The following LINGO2 variants were observed in gnomAD, a reference collection of about 807,000 sequenced individuals.
LINGO2 encodes the protein leucine rich repeat and Ig domain containing 2.
In LINGO2, 14 loss-of-function variants were observed where a neutral mutation model predicts 30.6. The ratio of observed to expected loss-of-function variants is 0.46; its 90% CI spans 0.30 to 0.72. The LOEUF is 0.72. Among genes scored for constraint, LINGO2 ranks in the 30% least tolerant of loss-of-function variants. LINGO2 has a pLI of 0.07. For missense variants in LINGO2, 729 were observed against 751.7 expected, an observed-to-expected ratio of 0.97 and a Z score of 0.35; for synonymous variants, 317 against 288.5, an observed-to-expected ratio of 1.10 and a Z score of -1.00.
chr9:28,394,745 C>A lies in LINGO2; in HGVS notation c.-278-21877G>T, dbSNP rs142439891. ...CTCCTTGTTATTACCCAGTACTATA[C>A]ATATAGATTCTTATTAAGAAAGAAA... On this transcript the variant is annotated intron_variant, in intron 2 of 5. Coordinates refer to ENST00000379992, the Ensembl canonical transcript of LINGO2. 9.0e-4 allele frequency among the ~76,000 whole-genome samples: 137 copies of A among 152,270 alleles called. 1 individual carries two copies. The highest frequency in any genetic ancestry group is 3.1e-3 in the African/African-American group (127 of 41,546).
the LINGO2 span, among the ~76,000 whole-genome samples, chr9:29,010,466 C>T: frequency 8.3e-4 from 126 of 152,210 alleles, no homozygotes; most frequent in African/African-American, 3.0e-3. Context: ...GGCAATGAAG[C>T]AGAAAGAAGG....
At chr9:28,090,876 CA>C (rs1587833954) in intron 4 of LINGO2, among the ~76,000 whole-genome samples, 1 of 152,176 alleles carries the variant, frequency 6.6e-6, no homozygotes, top group East Asian at 1.9e-4. Flanking sequence ...TCTCAGGATA[CA>C]AAATCAATGT....
At chr9:28,137,198 GACACAC>G (rs3064725) in intron 4 of LINGO2, among the ~76,000 whole-genome samples, 8 of 148,208 alleles carry the variant, frequency 5.4e-5, no homozygotes, top group Admixed American at 1.4e-4. Context: ...GAAAATCCCT[GACACAC>G]ACACACACAC....
At chr9:28,371,656 T>G (rs1820902784) in intron 3 of LINGO2, among the ~76,000 whole-genome samples, 1 of 152,182 alleles carries the variant, frequency 6.6e-6, no homozygotes, top group African/African-American at 2.4e-5. Context: ...CGCTGTACCT[T>G]TATCCAAGGG....
At chr9:28,763,784 TAGAGGA>T in the LINGO2 span, among the ~76,000 whole-genome samples, 2 of 151,234 alleles carry the variant, frequency 1.3e-5, 1 homozygote, top group South Asian at 4.2e-4. Flanking sequence ...CTAGGTTAAT[TAGAGGA>T]AGAGAGAGAG....
chr9:28,017,782 C>G (rs1822913524), intron 4 of LINGO2, among the ~76,000 whole-genome samples: 2 of 152,088 alleles, frequency 1.3e-5, no homozygotes, highest in African/African-American at 2.4e-5. Context: ...GGCCATGCTG[C>G]CCAAAGCAGT....
At chr9:28,053,122 GAGAGTCATAGGA>G (rs1244047993) in intron 4 of LINGO2, among the ~76,000 whole-genome samples, 1 of 147,806 alleles carries the variant, frequency 6.8e-6, no homozygotes, top group Non-Finnish European at 1.5e-5. Context: ...AAGGTATAAT[GAGAGTCATAGGA>G]AGGCTCCAGA....
chr9:27,937,640 T>A, the LINGO2 span: 1 of 152,160 alleles, frequency 6.6e-6, no homozygotes, highest in Non-Finnish European at 1.5e-5. Flanking sequence ...TATTTTATTT[T>A]TGTGTCTCAA....
At chr9:28,336,328 T>C (rs1034883487) in intron 3 of LINGO2, among the ~76,000 whole-genome samples, 3 of 152,160 alleles carry the variant, frequency 2.0e-5, no homozygotes, top group Middle Eastern at 3.2e-3. Flanking sequence ...AGTCATTTGA[T>C]AGAGGATTTG....
At chr9:28,752,265 C>T in the LINGO2 span, among the ~76,000 whole-genome samples, 4 of 151,920 alleles carry the variant, frequency 2.6e-5, no homozygotes, top group Non-Finnish European at 5.9e-5. Context: ...TATGAATGAC[C>T]TTTCTTGGTG....
At chr9:28,702,808 C>CAT in the LINGO2 span, among the ~76,000 whole-genome samples, 1 of 151,858 alleles carries the variant, frequency 6.6e-6, no homozygotes, top group African/African-American at 2.4e-5. Context: ...GATGCAATTT[C>CAT]ATATATATAG....
At chr9:28,762,467 T>C in the LINGO2 span, among the ~76,000 whole-genome samples, 9 of 152,202 alleles carry the variant, frequency 5.9e-5, no homozygotes, top group African/African-American at 1.9e-4. Context: ...GTTTGTGTTT[T>C]AACTTTAAAG....
At chr9:28,643,707 T>G (rs1827708316) in intron 1 of LINGO2, among the ~76,000 whole-genome samples, 1 of 152,004 alleles carries the variant, frequency 6.6e-6, no homozygotes, top group Non-Finnish European at 1.5e-5. Flanking sequence ...GTTAAAAAGC[T>G]TCTGCATAGC....
chr9:28,696,165 C>T, the LINGO2 span, among the ~76,000 whole-genome samples: 7,435 of 151,894 alleles, frequency 0.049, 369 homozygotes, highest in Admixed American at 0.17. Context: ...AGAATATTTT[C>T]TTCTGTTGTC....
At chr9:28,214,435 T>C (rs553789950) in intron 4 of LINGO2, among the ~76,000 whole-genome samples, 3 of 151,704 alleles carry the variant, frequency 2.0e-5, no homozygotes, top group East Asian at 3.9e-4. Context: ...CGAAGAAAAT[T>C]TGTTCAATTC....
chr9:28,573,605 C>A (rs1365397749), intron 1 of LINGO2, among the ~76,000 whole-genome samples: 1 of 152,154 alleles, frequency 6.6e-6, no homozygotes, highest in African/African-American at 2.4e-5. Flanking sequence ...AGGCCTTATA[C>A]TTTCAAGTCT....
intron 1 of LINGO2, among the ~76,000 whole-genome samples, chr9:28,660,969 A>G (rs1201541607): frequency 6.6e-6 from 1 of 152,222 alleles, no homozygotes; most frequent in African/African-American, 2.4e-5. Context: ...AATCTAGATG[A>G]CCATTAACCT....
At chr9:29,024,730 C>T in the LINGO2 span, among the ~76,000 whole-genome samples, 1 of 152,098 alleles carries the variant, frequency 6.6e-6, no homozygotes, top group African/African-American at 2.4e-5. Flanking sequence ...GACATAACCC[C>T]TAACCCAGTG....
chr9:28,588,294 G>A (rs1824671115), intron 1 of LINGO2, among the ~76,000 whole-genome samples: 2 of 151,668 alleles, frequency 1.3e-5, no homozygotes, highest in South Asian at 2.1e-4. Context: ...GGAGAATGAA[G>A]TAATATTTTA....
Sources: allele counts gnomAD v4.1 joint callset (sites outside exome capture counted in the v4.1 genomes callset), GRCh38; gene constraint gnomAD v4.1.1; transcripts MANE v1.5; gene names NCBI Gene and HGNC (gene_info 2026-07-23, HGNC 2026-07-21).